The following GMDS variants were observed in gnomAD, a reference collection of about 807,000 sequenced individuals.
The protein encoded by GMDS is GDP-mannose 4,6-dehydratase, also known as GDP-mannose 4,6 dehydratase.
Under a neutral mutation model 49.9 loss-of-function variants are expected in GMDS, and 20 were observed. That is an observed-to-expected ratio of 0.40 (90% CI 0.28 to 0.58). The LOEUF (loss-of-function observed/expected upper bound fraction) is 0.58, where lower values mean the gene tolerates loss of function less well. Ranked by LOEUF, GMDS falls within the 20% of genes least tolerant of loss-of-function variation. The probability of loss-of-function intolerance (pLI) is 0.42; values close to 1 mark genes in which losing one functional copy is unlikely to be tolerated. For missense variants in GMDS, 362 were observed against 481.4 expected, an observed-to-expected ratio of 0.75 and a Z score of 2.32; for synonymous variants, 177 against 178.6, an observed-to-expected ratio of 0.99 and a Z score of 0.07.
At position 2,084,065 on chromosome 6, in the gene GMDS, C is replaced by T. The variant is rs75581192; in HGVS notation, c.345+31706G>A. Among the ~76,000 whole-genome samples, 871 of 152,188 alleles carry T rather than the reference C, an allele frequency of 5.7e-3. 3 individuals are homozygous for T. The highest frequency in any genetic ancestry group is 0.017 in the Middle Eastern group (5 of 294). ...CAAATGCCCTCTATATGCAAAATAC[C>T]GTGCTACACTTTATATTTTAGGTAA... On this transcript the variant is annotated intron_variant, in intron 4 of 10. Coordinates refer to ENST00000380815, the MANE Select transcript of GMDS (RefSeq NM_001500.4).
intron 7 of GMDS, among the ~76,000 whole-genome samples, chr6:1,927,721 G>C (rs1331980711): frequency 6.6e-6 from 1 of 152,160 alleles, no homozygotes; most frequent in Non-Finnish European, 1.5e-5. Context: ...GATGACAGCA[G>C]CGTCCTTCTT....
chr6:2,071,259 G>A (rs1465919880), intron 4 of GMDS, among the ~76,000 whole-genome samples: 1 of 152,094 alleles, frequency 6.6e-6, no homozygotes, highest in Non-Finnish European at 1.5e-5. Context: ...TTAAGATAAA[G>A]TGCACAGGGC....
chr6:1,698,718 G>A (rs1181642300), intron 9 of GMDS, among the ~76,000 whole-genome samples: 1 of 151,894 alleles, frequency 6.6e-6, no homozygotes, highest in Non-Finnish European at 1.5e-5. Context: ...GCCCACGTGT[G>A]CGCGACCCTG....
At chr6:1,732,551 A>G (rs1766852070) in intron 8 of GMDS, among the ~76,000 whole-genome samples, 2 of 152,242 alleles carry the variant, frequency 1.3e-5, no homozygotes, top group African/African-American at 4.8e-5. Flanking sequence ...CCAGAAGGGC[A>G]AAATCAGTAA....
chr6:1,931,271 T>G (rs570938493), intron 6 of GMDS, among the ~76,000 whole-genome samples: 9 of 152,364 alleles, frequency 5.9e-5, no homozygotes, highest in Non-Finnish European at 1.0e-4. Flanking sequence ...GATCAAAGTG[T>G]TTGGCTTCTG....
intron 7 of GMDS, among the ~76,000 whole-genome samples, chr6:1,814,071 T>C (rs1288383684): frequency 2.0e-5 from 3 of 152,234 alleles, no homozygotes; most frequent in Non-Finnish European, 4.4e-5. Flanking sequence ...TCCACTTTCA[T>C]TTCAGCAGAT....
intron 4 of GMDS, among the ~76,000 whole-genome samples, chr6:2,096,620 C>T (rs764642691): frequency 1.3e-5 from 2 of 152,168 alleles, no homozygotes; most frequent in African/African-American, 2.4e-5. Context: ...TTCCAAAAAA[C>T]ATTTAAATAG....
rs1204605153 is a variant in GMDS at position 1,635,067 on chromosome 6, A to G, written c.988-10527T>C. ...TGCCTCTCACCACAGCCCTGCCAGC[A>G]TTACGTGTCATCTCCTTTTTCACGA... is the stretch of plus-strand genomic sequence containing the variant. On this transcript the variant is annotated intron_variant, in intron 9 of 10. Transcript: ENST00000380815. This position sits in a 1 kb window ranked among gnomAD's most constrained non-coding sequence, Gnocchi z 4.7. 6.6e-6 allele frequency among the ~76,000 whole-genome samples: 1 copy of G among 152,196 alleles called. No homozygotes were observed. The highest frequency in any genetic ancestry group is 1.5e-5 in the Non-Finnish European group (1 of 68,044).
At chr6:1,901,253 T>C (rs770556914) in intron 7 of GMDS, among the ~76,000 whole-genome samples, 3 of 152,218 alleles carry the variant, frequency 2.0e-5, no homozygotes, top group Non-Finnish European at 4.4e-5. Context: ...TACGTTTCTC[T>C]CCACGACCGT....
At chr6:2,217,985 T>C (rs780349264) in intron 1 of GMDS, among the ~76,000 whole-genome samples, 30 of 152,204 alleles carry the variant, frequency 2.0e-4, no homozygotes, top group Non-Finnish European at 3.5e-4. Flanking sequence ...AAGGACAAAG[T>C]GACTGAAAAC....
At chr6:1,950,461 A>C (rs1763284881) in intron 6 of GMDS, among the ~76,000 whole-genome samples, 1 of 152,208 alleles carries the variant, frequency 6.6e-6, no homozygotes, top group Admixed American at 6.5e-5. Flanking sequence ...TGGCTCGTGA[A>C]TCAGTGGGTC....
chr6:2,166,030 T>A (rs2127550078), intron 1 of GMDS, among the ~76,000 whole-genome samples: 2 of 151,970 alleles, frequency 1.3e-5, no homozygotes, highest in African/African-American at 2.4e-5. Flanking sequence ...GAAAGACAAG[T>A]ATGGAAACAG....
chr6:2,052,876 T>C (rs371228622), intron 4 of GMDS, among the ~76,000 whole-genome samples: 1 of 152,108 alleles, frequency 6.6e-6, no homozygotes, highest in South Asian at 2.1e-4. Context: ...GCCCAAACAA[T>C]AGAAAGAGCC....
chr6:2,170,723 C>T (rs1445812366), intron 1 of GMDS, among the ~76,000 whole-genome samples: 4 of 152,018 alleles, frequency 2.6e-5, no homozygotes, highest in Admixed American at 6.6e-5. Context: ...AGGCCAGGCG[C>T]GGTGGTTCAC....
rs890470101 is a variant in GMDS, at chr6:2,221,450, G to A, written c.102+23871C>T. On this transcript the variant is annotated intron_variant, in intron 1 of 10. Transcript: ENST00000380815. ...GGCTAGAGTGCGGTGGCGCAATCTCGGCTCACTGCAAGCTCCGCCTCCCGG... is the reference window on the plus strand; with the variant it reads ...GGCTAGAGTGCGGTGGCGCAATCTCAGCTCACTGCAAGCTCCGCCTCCCGG... Among the ~76,000 whole-genome samples the A allele has an allele frequency of 2.6e-5, 4 of 151,776 alleles. No homozygotes were observed. The South Asian group carries it at 8.3e-4, about 32-fold the overall frequency.
At chr6:2,211,104 CCT>C (rs532235341) in intron 1 of GMDS, among the ~76,000 whole-genome samples, 320 of 152,282 alleles carry the variant, frequency 2.1e-3, no homozygotes, top group African/African-American at 7.4e-3. Flanking sequence ...GTCAATTAAA[CCT>C]CTTTTTCTTC....
At chr6:1,982,210 G>A (rs1765259020) in intron 4 of GMDS, among the ~76,000 whole-genome samples, 1 of 152,132 alleles carries the variant, frequency 6.6e-6, no homozygotes, top group Non-Finnish European at 1.5e-5. Context: ...GTAGGCTGAG[G>A]CAGGAGAATC....
chr6:2,047,280 C>G (rs1770077998), intron 4 of GMDS, among the ~76,000 whole-genome samples: 1 of 152,084 alleles, frequency 6.6e-6, no homozygotes, highest in Non-Finnish European at 1.5e-5. Context: ...GAGTTGTGAG[C>G]ACACAACTCT....
chr6:2,187,006 T>C (rs1778807979), intron 1 of GMDS, among the ~76,000 whole-genome samples: 2 of 152,246 alleles, frequency 1.3e-5, no homozygotes, highest in South Asian at 4.1e-4. Flanking sequence ...CATTAAAACA[T>C]CCTAAATGAT....
Sources: gnomAD v4.1 joint callset for allele counts (sites outside exome capture counted in the v4.1 genomes callset) on GRCh38, gnomAD v4.1.1 for gene constraint, Gnocchi (gnomAD v3.1) non-coding constraint, MANE v1.5 for transcripts, NCBI Gene and HGNC (gene_info 2026-07-23, HGNC 2026-07-21) for gene names.